Variants in VPS41 observed in about 807,000 individuals in gnomAD.
VPS41 encodes VPS41 subunit of HOPS complex.
In VPS41, 85 loss-of-function variants were observed where a neutral mutation model predicts 130.9. The ratio of observed to expected loss-of-function variants is 0.65; its 90% CI spans 0.55 to 0.78. The LOEUF is 0.78. Among genes scored for constraint, VPS41 ranks in the 30% least tolerant of loss-of-function variants. VPS41 has a pLI of 0.00. For missense variants in VPS41, 874 were observed against 1,018.7 expected, an observed-to-expected ratio of 0.86 and a Z score of 1.93; for synonymous variants, 335 against 332.9, an observed-to-expected ratio of 1.01 and a Z score of -0.07.
At chr7:38,739,774 C>A (rs985253665) in intron 25 of VPS41, among the ~76,000 whole-genome samples, 2 of 152,156 alleles carry the variant, frequency 1.3e-5, no homozygotes, top group Admixed American at 6.5e-5. Flanking sequence ...CACAGGCAAC[C>A]ACAGCTTTTT....
At chr7:38,903,319 G>A (rs1372821035) in intron 1 of VPS41, among the ~76,000 whole-genome samples, 1 of 152,210 alleles carries the variant, frequency 6.6e-6, no homozygotes, top group Non-Finnish European at 1.5e-5. Context: ...TCAGAGGTCA[G>A]GAGTGGTGAA....
At chr7:38,793,611 G>A (rs1784572360) in intron 9 of VPS41, among the ~76,000 whole-genome samples, 2 of 152,162 alleles carry the variant, frequency 1.3e-5, no homozygotes, top group South Asian at 4.1e-4. Context: ...AAACAACAGA[G>A]ATGTTGTTTT....
chr7:38,803,910 G>C (rs1784786266), intron 7 of VPS41, among the ~76,000 whole-genome samples: 1 of 152,164 alleles, frequency 6.6e-6, no homozygotes, highest in South Asian at 2.1e-4. Flanking sequence ...GCTCTACTGT[G>C]TCCATCAAGA....
intron 17 of VPS41, among the ~76,000 whole-genome samples, chr7:38,761,611 A>G (rs1783923632): frequency 6.6e-6 from 1 of 151,352 alleles, no homozygotes; most frequent in African/African-American, 2.4e-5. Flanking sequence ...TCTTTTTGTG[A>G]GAAAGGGTCC....
intron 25 of VPS41, among the ~76,000 whole-genome samples, chr7:38,737,111 C>T (rs1212883874): frequency 6.6e-6 from 1 of 152,164 alleles, no homozygotes; most frequent in Non-Finnish European, 1.5e-5. Flanking sequence ...CGCGGTGGCT[C>T]ACACCTGCCA....
intron 7 of VPS41, among the ~76,000 whole-genome samples, chr7:38,815,276 C>A (rs1785022508): frequency 6.6e-6 from 1 of 151,896 alleles, no homozygotes; most frequent in Non-Finnish European, 1.5e-5. Flanking sequence ...ATACAAAAAT[C>A]AGCTGGGTAG....
At chr7:38,771,776 T>G (rs1054144228) in intron 13 of VPS41, among the ~76,000 whole-genome samples, 1 of 152,200 alleles carries the variant, frequency 6.6e-6, no homozygotes, top group Admixed American at 6.6e-5. Flanking sequence ...TACTTTAACA[T>G]AAATATTTAA....
At chr7:38,894,764 C>T (rs1302695536) in intron 2 of VPS41, among the ~76,000 whole-genome samples, 1 of 152,042 alleles carries the variant, frequency 6.6e-6, no homozygotes, top group African/African-American at 2.4e-5. Flanking sequence ...GGGTCCACCT[C>T]CAGTTCTTTA....
At chr7:38,835,989 T>C (rs145370541) in intron 4 of VPS41, among the ~76,000 whole-genome samples, 2 of 152,052 alleles carry the variant, frequency 1.3e-5, no homozygotes, top group Admixed American at 6.5e-5. Context: ...ACGCTTGATT[T>C]CTGTTTGGCT....
chr7:38,870,426 C>T (rs905871502), intron 2 of VPS41, among the ~76,000 whole-genome samples: 1 of 152,094 alleles, frequency 6.6e-6, no homozygotes, highest in Non-Finnish European at 1.5e-5. Flanking sequence ...AACCCCTGGT[C>T]CCCAGAGGAC....
In VPS41 at chr7:38,781,101, T is replaced by C. The variant is rs1309214061; in HGVS notation, c.785-4325A>G. Among the ~76,000 whole-genome samples, 4 of 152,170 alleles carry C rather than the reference T, an allele frequency of 2.6e-5. No homozygotes were observed. In the East Asian group the frequency reaches 7.7e-4, roughly 29 times the overall value. ...TCTTTTCTTTATAAATTATCCAGTC[T>C]CAGGAATTTCTTTATAGGAATGCAA... On this transcript the variant is annotated intron_variant, in intron 10 of 28. Transcript: ENST00000310301.
At chr7:38,783,346 C>G (rs1472764541) in intron 10 of VPS41, among the ~76,000 whole-genome samples, 1 of 151,930 alleles carries the variant, frequency 6.6e-6, no homozygotes, top group Non-Finnish European at 1.5e-5. Flanking sequence ...ACCAGCCTGG[C>G]CAAGAAGGTG....
intron 2 of VPS41, among the ~76,000 whole-genome samples, chr7:38,870,739 C>CA (rs70977434): frequency 0.024 from 726 of 29,646 alleles, 38 homozygotes; most frequent in Middle Eastern, 0.056. Flanking sequence ...ACTATATGTT[C>CA]AAAAAAAAAA....
intron 1 of VPS41, among the ~76,000 whole-genome samples, chr7:38,905,335 T>C (rs1454114561): frequency 1.3e-5 from 2 of 152,222 alleles, no homozygotes; most frequent in Non-Finnish European, 2.9e-5. Flanking sequence ...AGGTCAACTA[T>C]AAATCGTTTT....
chr7:38,766,552 C>T (rs1020984149), intron 15 of VPS41, among the ~76,000 whole-genome samples: 2 of 152,172 alleles, frequency 1.3e-5, no homozygotes, highest in African/African-American at 2.4e-5. Flanking sequence ...GGTAAAATGA[C>T]GCCTTTAGGA....
At chr7:38,830,517 A>ACT in intron 4 of VPS41, among the ~76,000 whole-genome samples, 189 bp from the exon 5 acceptor site, 1 of 152,208 alleles carries the variant, frequency 6.6e-6, no homozygotes, top group South Asian at 2.1e-4. Flanking sequence ...CTACAACATG[A>ACT]GCTTGCAGAG....
intron 10 of VPS41, among the ~76,000 whole-genome samples, chr7:38,789,589 G>A (rs1226904845): frequency 6.6e-6 from 1 of 152,162 alleles, no homozygotes; most frequent in African/African-American, 2.4e-5. Context: ...GAACGATGTG[G>A]AGGAACTGAA....
In VPS41 at chr7:38,765,697, T is replaced by C. The variant is rs774617075; in HGVS notation, c.1248-36A>G. The C allele has an allele frequency of 6.3e-6, 9 of 1,427,084 alleles. No individual in the cohort carries two copies. In the East Asian group the frequency reaches 2.1e-4, roughly 33 times the overall value. The allele number at this position is 1,427,084 out of a possible 1,614,324, so 88.4% of individuals were successfully genotyped here. A position where few individuals can be genotyped will look rare whatever the true frequency, so the allele number is the denominator to read the frequency against. ...AAACATCCCAGGCAGAAAGAAAGTA[T>C]ATATTAAAAAAACAAAAAACAAACA... On this transcript the variant is annotated intron_variant, in intron 15 of 28. Coordinates refer to ENST00000310301, the MANE Select transcript of VPS41 (RefSeq NM_014396.4).
chr7:38,741,898 C>A (rs1795887463), intron 25 of VPS41, 87 bp downstream of exon 25: 3 of 1,494,612 alleles, frequency 2.0e-6, no homozygotes, highest in Non-Finnish European at 2.7e-6. Context: ...AAGTTTTTAA[C>A]TGATACCTAA....
Sources: allele counts gnomAD v4.1 joint callset (sites outside exome capture counted in the v4.1 genomes callset), GRCh38; gene constraint gnomAD v4.1.1; transcripts MANE v1.5; gene names NCBI Gene and HGNC (gene_info 2026-07-23, HGNC 2026-07-21).